Variants in GRIK3 observed in about 807,000 individuals in gnomAD.
GRIK3 encodes glutamate receptor ionotropic, kainate 3.
Under a neutral mutation model 102.5 loss-of-function variants are expected in GRIK3, and 29 were observed. The ratio of observed to expected loss-of-function variants is 0.28; its 90% CI spans 0.21 to 0.39. GRIK3 has a LOEUF of 0.39. Among genes scored for constraint, GRIK3 ranks in the 10% least tolerant of loss-of-function variants. The pLI, the probability that GRIK3 is intolerant of heterozygous loss-of-function variation, is 1.00. For missense variants in GRIK3, 908 were observed against 1,252.4 expected (o/e 0.73, Z 4.15); for synonymous variants, 511 against 504.9 (o/e 1.01, Z -0.16).
intron 1 of GRIK3, among the ~76,000 whole-genome samples, chr1:36,939,174 G>A (rs184199254): frequency 5.9e-5 from 9 of 152,318 alleles, no homozygotes; most frequent in South Asian, 2.1e-4. Flanking sequence ...ACCACACAAC[G>A]CATGGAAGTG....
intron 1 of GRIK3, among the ~76,000 whole-genome samples, chr1:36,996,574 G>C (rs1642421971): frequency 6.6e-6 from 1 of 152,224 alleles, no homozygotes; most frequent in Non-Finnish European, 1.5e-5. Flanking sequence ...CCTAAGCTGA[G>C]AAGGAGGTGG....
rs138440479 is a variant in GRIK3 at position 37,005,881 on chromosome 1, T to C, written c.115+28113A>G. Among the ~76,000 whole-genome samples the C allele has an allele frequency of 3.9e-3, 592 of 152,138 alleles. 3 individuals carry two copies. Among genetic ancestry groups the C allele is most frequent in the African/African-American group, 0.013 (560 of 41,512 alleles). ...GACACAGAGGTAGATGGGGGCCAGA[T>C]TGTGGAAGGCCTTGAATGCTGAGAA... On this transcript the variant is annotated intron_variant, in intron 1 of 15. Coordinates refer to ENST00000373091, the MANE Select transcript of GRIK3 (RefSeq NM_000831.4).
At chr1:36,971,790 T>C (rs1642144433) in intron 1 of GRIK3, among the ~76,000 whole-genome samples, 1 of 152,090 alleles carries the variant, frequency 6.6e-6, no homozygotes, top group Non-Finnish European at 1.5e-5. Context: ...TCCAGCACAG[T>C]CATCAGCATC....
intron 10 of GRIK3, among the ~76,000 whole-genome samples, chr1:36,837,606 C>G (rs1640395968): frequency 6.6e-6 from 1 of 152,168 alleles, no homozygotes; most frequent in South Asian, 2.1e-4. Context: ...ATGTCACCCC[C>G]TGGCTCCACT....
In GRIK3 at chr1:36,797,664, G is replaced by A. The variant is rs958822802; in HGVS notation, c.*4187C>T. On this transcript the variant is annotated 3_prime_UTR_variant, in exon 16 of 16. Coordinates refer to ENST00000373091, the MANE Select transcript of GRIK3 (RefSeq NM_000831.4). ...AAACCTCTAGCCCCTTTGCAGATGG[G>A]TATCCACACAGGACCACTCCAGATG... 6.6e-6 allele frequency: 1 copy of A among 152,256 alleles called. No individual in the cohort carries two copies. The highest frequency in any genetic ancestry group is 2.1e-4 in the South Asian group (1 of 4,834). 9.4% of individuals were successfully genotyped at this position (152,256 alleles called of 1,614,324 possible).
At chr1:36,990,470 A>C (rs921510898) in intron 1 of GRIK3, among the ~76,000 whole-genome samples, 2 of 152,148 alleles carry the variant, frequency 1.3e-5, no homozygotes, top group Non-Finnish European at 2.9e-5. Flanking sequence ...AGCTGGCTTC[A>C]GGCAGTCTCT....
At chr1:36,946,457 C>T (rs1053107376) in intron 1 of GRIK3, among the ~76,000 whole-genome samples, 1 of 152,204 alleles carries the variant, frequency 6.6e-6, no homozygotes, top group African/African-American at 2.4e-5. Flanking sequence ...GCTGGACAGC[C>T]CTTCTGGAGT....
chr1:36,946,443 G>C (rs1641785677), intron 1 of GRIK3, among the ~76,000 whole-genome samples: 1 of 152,234 alleles, frequency 6.6e-6, no homozygotes, highest in African/African-American at 2.4e-5. Flanking sequence ...TGCTCCAAGG[G>C]GCTGCTGGAC....
At chr1:36,838,183 T>C (rs1214473686) in intron 10 of GRIK3, among the ~76,000 whole-genome samples, 2 of 152,224 alleles carry the variant, frequency 1.3e-5, no homozygotes, top group Non-Finnish European at 2.9e-5. Context: ...TAAATCTTCC[T>C]ACCAATGCCA....
At chr1:36,892,794 C>T (rs901419126) in intron 1 of GRIK3, among the ~76,000 whole-genome samples, 3 of 152,124 alleles carry the variant, frequency 2.0e-5, no homozygotes, top group South Asian at 2.1e-4. Flanking sequence ...ATCATTAAGC[C>T]AAATAATTAA....
At chr1:36,986,122 C>T (rs947543222) in intron 1 of GRIK3, among the ~76,000 whole-genome samples, 1 of 152,178 alleles carries the variant, frequency 6.6e-6, no homozygotes, top group South Asian at 2.1e-4. Flanking sequence ...CCCCCGGGAC[C>T]CAGACTCTCT....
At position 36,799,125 on chromosome 1, in the gene GRIK3, C is replaced by G. The variant is rs1642403139; in HGVS notation, c.*2726G>C. The G allele has an allele frequency of 6.6e-6, 1 of 152,208 alleles. No homozygotes were observed. The highest frequency in any genetic ancestry group is 2.1e-4 in the South Asian group (1 of 4,834). 9.4% of individuals were successfully genotyped at this position (152,208 alleles called of 1,614,324 possible). ...AAATACCTTCATTAGAATCCTGTTA[C>G]CTGGGAATTACAAAAAAGAGTTTTC... On this transcript the variant is annotated 3_prime_UTR_variant, in exon 16 of 16. Transcript: ENST00000373091.
chr1:36,956,557 C>G (rs752537370), intron 1 of GRIK3, among the ~76,000 whole-genome samples: 6 of 152,134 alleles, frequency 3.9e-5, no homozygotes, highest in Non-Finnish European at 8.8e-5. Context: ...CACCCCACAC[C>G]ACTCTCGACC....
At chr1:37,000,603 A>G (rs181610931) in intron 1 of GRIK3, among the ~76,000 whole-genome samples, 47 of 152,302 alleles carry the variant, frequency 3.1e-4, no homozygotes, top group Non-Finnish European at 4.1e-4. Flanking sequence ...AATGCCTACA[A>G]CTATTTTACA....
chr1:36,982,375 G>A (rs1642258984), intron 1 of GRIK3, among the ~76,000 whole-genome samples: 1 of 152,208 alleles, frequency 6.6e-6, no homozygotes, highest in African/African-American at 2.4e-5. Context: ...GCACCATCCA[G>A]AGGAGCTGGG....
Position 36,917,419 on chromosome 1 carries a change from T to A in GRIK3, c.116-26323A>T, listed in dbSNP as rs138793931. Among the ~76,000 whole-genome samples the A allele has an allele frequency of 5.1e-3, 783 of 152,282 alleles. 6 individuals carry two copies. Among genetic ancestry groups the A allele is most frequent in the African/African-American group, 0.018 (748 of 41,538 alleles). The stretch of plus-strand genomic sequence containing the variant: ...GCATCGGTTTTGAAATGTGAGGACA[T>A]GAGATTTGGGAGGGGCCAGGGGTGG... On this transcript the variant is annotated intron_variant, in intron 1 of 15. Coordinates refer to ENST00000373091, the MANE Select transcript of GRIK3 (RefSeq NM_000831.4).
At chr1:36,814,185 A>G (rs1642594606) in intron 13 of GRIK3, among the ~76,000 whole-genome samples, 2 of 152,136 alleles carry the variant, frequency 1.3e-5, no homozygotes, top group South Asian at 2.1e-4. Context: ...AGCTGGGGCT[A>G]GCTTCTTGGA....
chr1:36,954,750 C>T (rs1340705835), intron 1 of GRIK3, among the ~76,000 whole-genome samples: 1 of 152,250 alleles, frequency 6.6e-6, no homozygotes, highest in Non-Finnish European at 1.5e-5. Context: ...TGTGCACGCA[C>T]AAGGACACAC....
intron 1 of GRIK3, among the ~76,000 whole-genome samples, chr1:36,959,100 G>C (rs1570825551): frequency 2.4e-5 from 3 of 124,558 alleles, no homozygotes; most frequent in African/African-American, 5.6e-5. Context: ...GAGTCTGTGA[G>C]TCTGTGCCCC....
Sources: allele counts gnomAD v4.1 joint callset (sites outside exome capture counted in the v4.1 genomes callset), GRCh38; gene constraint gnomAD v4.1.1; transcripts MANE v1.5; gene names NCBI Gene and HGNC (gene_info 2026-07-23, HGNC 2026-07-21).